SOS1: variants seen among roughly 807,000 people sequenced by gnomAD.
SOS1 encodes the protein son of sevenless homolog 1.
SOS1 carries 25 observed loss-of-function variants against 157.6 expected under a neutral mutation model. That is an observed-to-expected ratio of 0.16 (90% confidence interval 0.12 to 0.22). SOS1 has a LOEUF of 0.22. Among genes scored for constraint, SOS1 ranks in the 10% least tolerant of loss-of-function variants. The pLI, the probability that SOS1 is intolerant of heterozygous loss-of-function variation, is 1.00. For missense variants in SOS1, 1,237 were observed against 1,599.1 expected, an observed-to-expected ratio of 0.77 and a Z score of 3.86; for synonymous variants, 528 against 534.0, an observed-to-expected ratio of 0.99 and a Z score of 0.16.
At chr2:38,992,450 C>T (rs989862674) in intron 20 of SOS1, 3 of 152,186 alleles carry the variant, frequency 2.0e-5, no homozygotes, top group African/African-American at 7.2e-5. Flanking sequence ...GTTTTCTCCA[C>T]CTGTCCAGCT....
rs530738100 is a variant in SOS1, at chr2:39,039,357, G to A, written c.865-3857C>T. ...TTTTTAGAGCATGTAAACTAGAAGG[G>A]GAAGTTGCTTTCCAAAGTGATTATA... On this transcript the variant is annotated intron_variant, in intron 6 of 22. Transcript: ENST00000402219. 2.6e-5 allele frequency among the ~76,000 whole-genome samples: 4 copies of A among 152,296 alleles called. No homozygotes were observed. In the East Asian group the frequency reaches 7.7e-4, roughly 29 times the overall value.
intron 6 of SOS1, among the ~76,000 whole-genome samples, chr2:39,041,687 G>A (rs1161885414): frequency 6.6e-6 from 1 of 152,060 alleles, no homozygotes; most frequent in Non-Finnish European, 1.5e-5. Flanking sequence ...TTAATTTTCG[G>A]ATATGGTACA....
intron 6 of SOS1, among the ~76,000 whole-genome samples, chr2:39,038,488 C>T (rs1401069207): frequency 1.3e-5 from 2 of 151,866 alleles, no homozygotes; most frequent in Non-Finnish European, 2.9e-5. Context: ...GTAATCCCAG[C>T]ACTTTGGGAG....
At chr2:38,988,768 CTTTAT>C (rs1558456521) in intron 21 of SOS1, among the ~76,000 whole-genome samples, 1 of 151,966 alleles carries the variant, frequency 6.6e-6, no homozygotes, top group African/African-American at 2.4e-5. Flanking sequence ...TAAAATGGAA[CTTTAT>C]TTTGTTTATC....
intron 5 of SOS1, among the ~76,000 whole-genome samples, chr2:39,051,819 A>G (rs960953726): frequency 6.6e-6 from 1 of 152,196 alleles, no homozygotes; most frequent in Admixed American, 6.5e-5. Context: ...TTCTGCATAC[A>G]ATCTGTTGTG....
At position 39,022,576 on chromosome 2, in the gene SOS1, A is replaced by G; in HGVS notation, c.1852T>C (p.Tyr618His). The G allele has an allele frequency of 6.2e-7, 1 of 1,612,294 alleles. No homozygotes were observed. Among genetic ancestry groups the G allele is most frequent in the South Asian group, 1.1e-5 (1 of 91,030 alleles). ...KLIERLTYHM[Y>H]ADPNFVRTFL... ...GCAACTGCATAATTCTTACCTGCGT[A>G]CATATGGTACGTAAGCCTCTCTATA... Residue 618 changes from tyrosine (Y) to histidine (H), a missense_variant, in exon 10 of 23, where the codon TAC (tyrosine) becomes CAC (histidine). Around this residue, in one of 15 missense-constraint regions of SOS1, gnomAD observed 22 missense variants for 46.3 expected, o/e 0.48. Transcript: ENST00000402219.
At chr2:39,096,025 A>AACG (rs1558511204) in intron 1 of SOS1, among the ~76,000 whole-genome samples, 4 of 152,142 alleles carry the variant, frequency 2.6e-5, no homozygotes, top group Non-Finnish European at 4.4e-5. Flanking sequence ...AAGAAACAAC[A>AACG]CAGATCATCT....
intron 1 of SOS1, among the ~76,000 whole-genome samples, chr2:39,092,541 A>G (rs1201305337): frequency 6.6e-6 from 1 of 152,150 alleles, no homozygotes; most frequent in South Asian, 2.1e-4. Context: ...ACTTACTGTT[A>G]TCTAAAACTA....
At chr2:39,025,406 G>A (rs1440877888) in intron 8 of SOS1, among the ~76,000 whole-genome samples, 1 of 151,714 alleles carries the variant, frequency 6.6e-6, no homozygotes, top group Non-Finnish European at 1.5e-5. Context: ...CTAGGGTGCA[G>A]CGGTGCAATC....
rs780268785 is a variant in SOS1 at position 38,982,517 on chromosome 2, C to T, written c.*3307G>A. On this transcript the variant is annotated 3_prime_UTR_variant, in exon 23 of 23. Coordinates refer to ENST00000402219, the MANE Select transcript of SOS1 (RefSeq NM_005633.4). ...ACTGGTAAAGATTAATGCAATACAA[C>T]AGGACCTATACTTGCGTAGTCACAC... is the stretch of plus-strand genomic sequence containing the variant. 1 of 152,142 alleles carries T rather than the reference C, an allele frequency of 6.6e-6. No homozygotes were observed. The highest frequency in any genetic ancestry group is 1.9e-4 in the East Asian group (1 of 5,202). The allele number at this position is 152,142 out of a possible 1,614,324, so 9.4% of individuals were successfully genotyped here. A position where few individuals can be genotyped will look rare whatever the true frequency, so the allele number is the denominator to read the frequency against.
chr2:39,011,655 A>G (rs1326428792), intron 14 of SOS1, among the ~76,000 whole-genome samples: 3 of 152,236 alleles, frequency 2.0e-5, no homozygotes, highest in Non-Finnish European at 4.4e-5. Context: ...TCAATGTAGT[A>G]TGATTAAAAA....
chr2:39,057,451 T>C (rs955786687), intron 3 of SOS1, among the ~76,000 whole-genome samples: 6 of 152,078 alleles, frequency 3.9e-5, no homozygotes, highest in Admixed American at 1.3e-4. Flanking sequence ...AAAGAGAATA[T>C]GGGCTTTTGT....
At chr2:39,102,367 G>A (rs1199118727) in intron 1 of SOS1, among the ~76,000 whole-genome samples, 2 of 149,256 alleles carry the variant, frequency 1.3e-5, no homozygotes, top group Non-Finnish European at 1.5e-5. Context: ...TACCAAAGGG[G>A]AAAAAAAATT....
At chr2:39,090,260 C>A (rs1672542843) in intron 1 of SOS1, among the ~76,000 whole-genome samples, 1 of 152,076 alleles carries the variant, frequency 6.6e-6, no homozygotes, top group Non-Finnish European at 1.5e-5. Flanking sequence ...TCTTATCAAG[C>A]ACCTTTTAAT....
chr2:39,121,264 G>A (rs1244476339), upstream of SOS1, among the ~76,000 whole-genome samples: 1 of 152,172 alleles, frequency 6.6e-6, no homozygotes, highest in Non-Finnish European at 1.5e-5. Flanking sequence ...GATGACTAGG[G>A]TAAAGAGGCT....
At chr2:39,076,636 T>C (rs1409812550) in intron 1 of SOS1, among the ~76,000 whole-genome samples, 1 of 152,116 alleles carries the variant, frequency 6.6e-6, no homozygotes, top group East Asian at 1.9e-4. Flanking sequence ...TAGAAGAACA[T>C]TTCCTAAACT....
At chr2:39,116,013 T>C (rs948746793) in intron 1 of SOS1, among the ~76,000 whole-genome samples, 26 of 152,202 alleles carry the variant, frequency 1.7e-4, no homozygotes, top group African/African-American at 5.3e-4. Context: ...CTGACGAACA[T>C]TGGATTGTTT....
At chr2:39,021,232 TACAAA>T (rs1467215326) in intron 10 of SOS1, among the ~76,000 whole-genome samples, 6 of 151,618 alleles carry the variant, frequency 4.0e-5, no homozygotes, top group Non-Finnish European at 8.9e-5. Context: ...CTTTCAGGAC[TACAAA>T]ACAAGTATCA....
intron 1 of SOS1, among the ~76,000 whole-genome samples, chr2:39,094,833 G>C (rs112868166): frequency 0.01 from 1,569 of 152,154 alleles, 35 homozygotes; most frequent in African/African-American, 0.036. Flanking sequence ...AAATAACTTA[G>C]CCACATACAG....
Sources: gnomAD v4.1 joint callset for allele counts (sites outside exome capture counted in the v4.1 genomes callset) on GRCh38, gnomAD v4.1.1 for gene constraint, gnomAD v4.1.1 regional missense constraint, MANE v1.5 for transcripts, NCBI Gene and HGNC (gene_info 2026-07-23, HGNC 2026-07-21) for gene names.